PALM2AKAP2: variants seen among roughly 807,000 people sequenced by gnomAD.
PALM2AKAP2 encodes PALM2 and AKAP2 fusion.
PALM2AKAP2 carries 37 observed loss-of-function variants against 71.5 expected under a neutral mutation model. The observed-to-expected ratio is 0.52, with a 90% confidence interval of 0.40 to 0.68. The LOEUF is 0.68. Among genes scored for constraint, PALM2AKAP2 ranks in the 30% least tolerant of loss-of-function variants. The probability of loss-of-function intolerance (pLI) is 0.00; values close to 1 mark genes in which losing one functional copy is unlikely to be tolerated. For missense variants in PALM2AKAP2, 1,224 were observed against 1,191.8 expected, an observed-to-expected ratio of 1.03 and a Z score of -0.40; for synonymous variants, 468 against 478.8, an observed-to-expected ratio of 0.98 and a Z score of 0.29.
intron 1 of PALM2AKAP2, among the ~76,000 whole-genome samples, chr9:109,803,239 G>A (rs1827482487): frequency 6.6e-6 from 1 of 152,194 alleles, no homozygotes; most frequent in Non-Finnish European, 1.5e-5. Context: ...TTGTCACTGT[G>A]AATTATTGGT....
Position 109,908,125 on chromosome 9 carries a change from G to A in PALM2AKAP2, c.258-15610G>A, listed in dbSNP as rs563881009. 4.6e-5 allele frequency among the ~76,000 whole-genome samples: 7 copies of A among 152,278 alleles called. No individual in the cohort carries two copies. In the South Asian group the frequency reaches 1.5e-3, roughly 32 times the overall value. Reference sequence around the variant, plus strand: ...TGCAAATACTCTTCTAGGCACTGTGGATGCCATAGCAATACATGCTGTTTC... The same window carrying A: ...TGCAAATACTCTTCTAGGCACTGTGAATGCCATAGCAATACATGCTGTTTC... On this transcript the variant is annotated intron_variant, in intron 3 of 9. Transcript: ENST00000302798.
intron 1 of PALM2AKAP2, among the ~76,000 whole-genome samples, chr9:109,692,928 C>T (rs1827919462): frequency 6.6e-6 from 1 of 151,592 alleles, no homozygotes; most frequent in Non-Finnish European, 1.5e-5. Flanking sequence ...TCTCTTTTCT[C>T]TCCTTCCTTT....
chr9:110,026,462 T>C (rs551319948), intron 7 of PALM2AKAP2, among the ~76,000 whole-genome samples: 1 of 152,366 alleles, frequency 6.6e-6, no homozygotes, highest in East Asian at 1.9e-4. Flanking sequence ...CTATTTTTTA[T>C]TGTGGTAAAA....
chr9:110,104,761 C>T (rs1588111656), intron 1 of PALM2AKAP2, among the ~76,000 whole-genome samples: 3 of 152,208 alleles, frequency 2.0e-5, no homozygotes, highest in African/African-American at 7.2e-5. Flanking sequence ...AAGAATGTTT[C>T]AAACCTTGAA....
At position 109,869,480 on chromosome 9, in the gene PALM2AKAP2, C is replaced by T. The variant is rs1327254221; in HGVS notation, c.126+1909C>T. On this transcript the variant is annotated intron_variant, in intron 2 of 9. Transcript: ENST00000302798. ...AGTAGCTGGGACTACAAATGCCCGC[C>T]ACCACGCCCAGCTAATTTTTTTTTT... Among the ~76,000 whole-genome samples, 4 of 150,008 alleles carry T rather than the reference C, an allele frequency of 2.7e-5. No homozygotes were observed. In the East Asian group the frequency reaches 7.8e-4, roughly 29 times the overall value.
chr9:110,169,513 G>A (rs1455522777), exon 4 of PALM2AKAP2: 1 of 151,964 alleles, frequency 6.6e-6, no homozygotes, highest in Non-Finnish European at 1.5e-5. Context: ...CTTAGAGATA[G>A]GAAGAAGAAT....
At chr9:109,987,651 G>A (rs1399443684) in intron 6 of PALM2AKAP2, among the ~76,000 whole-genome samples, 1 of 152,094 alleles carries the variant, frequency 6.6e-6, no homozygotes, top group Non-Finnish European at 1.5e-5. Context: ...CAATATAATT[G>A]CCCATAACAA....
intron 6 of PALM2AKAP2, among the ~76,000 whole-genome samples, chr9:109,954,214 G>A (rs1312168016): frequency 1.3e-5 from 2 of 152,044 alleles, no homozygotes; most frequent in African/African-American, 4.8e-5. Context: ...AAGCAAAGGG[G>A]GTTTTGTTAT....
At chr9:109,876,909 C>T (rs1173416460) in intron 2 of PALM2AKAP2, among the ~76,000 whole-genome samples, 1 of 152,110 alleles carries the variant, frequency 6.6e-6, no homozygotes, top group Non-Finnish European at 1.5e-5. Flanking sequence ...TGACCAGAGT[C>T]ACCAGGCTGC....
chr9:110,031,554 G>GTTTAGGGTATTCTATTA (rs1389125488), intron 7 of PALM2AKAP2, among the ~76,000 whole-genome samples: 2 of 152,178 alleles, frequency 1.3e-5, no homozygotes. Context: ...TGCTCTGGGT[G>GTTTAGGGTATTCTATTA]TTTAGGGTAT....
chr9:109,700,165 G>C (rs768373615), intron 1 of PALM2AKAP2, among the ~76,000 whole-genome samples: 11 of 152,136 alleles, frequency 7.2e-5, no homozygotes, highest in Admixed American at 6.5e-5. Flanking sequence ...TGGTTTGGCT[G>C]TGTCCCCACC....
chr9:110,081,608 T>A (rs1291688569), intron 1 of PALM2AKAP2, among the ~76,000 whole-genome samples: 1 of 152,166 alleles, frequency 6.6e-6, no homozygotes, highest in Admixed American at 6.5e-5. Flanking sequence ...AAAAGAATTC[T>A]TAGAGGTGAG....
intron 2 of PALM2AKAP2, among the ~76,000 whole-genome samples, chr9:109,876,139 GT>G (rs950302253): frequency 7.9e-5 from 12 of 152,002 alleles, no homozygotes; most frequent in African/African-American, 1.9e-4. Flanking sequence ...ACAGAGAAAA[GT>G]TTTTTTTAAT....
intron 1 of PALM2AKAP2, among the ~76,000 whole-genome samples, chr9:110,107,901 GA>G (rs1835155367): frequency 6.6e-6 from 1 of 152,084 alleles, no homozygotes; most frequent in African/African-American, 2.4e-5. Flanking sequence ...AAGTTGATAT[GA>G]ACAATATTGT....
At chr9:110,057,366 GT>G (rs34347147) in intron 1 of PALM2AKAP2, among the ~76,000 whole-genome samples, 63,414 of 133,492 alleles carry the variant, frequency 0.48, 13,828 homozygotes, top group Admixed American at 0.53. Flanking sequence ...CTCCTTCTCT[GT>G]TTTTTTTTTT....
intron 6 of PALM2AKAP2, among the ~76,000 whole-genome samples, chr9:109,956,559 T>C (rs1174316131): frequency 6.6e-6 from 1 of 152,206 alleles, no homozygotes; most frequent in Non-Finnish European, 1.5e-5. Context: ...GAGTCAGCTT[T>C]TCTACTTTTC....
chr9:109,994,037 A>T (rs1192196841), intron 6 of PALM2AKAP2, among the ~76,000 whole-genome samples: 1 of 152,136 alleles, frequency 6.6e-6, no homozygotes, highest in Non-Finnish European at 1.5e-5. Context: ...GGGCTGGCAA[A>T]TACTGAACTC....
At chr9:109,990,067 CTTTTT>C (rs35739397) in intron 6 of PALM2AKAP2, among the ~76,000 whole-genome samples, 1 of 134,110 alleles carries the variant, frequency 7.5e-6, no homozygotes, top group Non-Finnish European at 1.6e-5. Flanking sequence ...TTCTTTCTTT[CTTTTT>C]TTTTTTTTTT....
At chr9:109,721,040 CTG>C (rs1409659496) in intron 1 of PALM2AKAP2, among the ~76,000 whole-genome samples, 1 of 152,200 alleles carries the variant, frequency 6.6e-6, no homozygotes, top group Non-Finnish European at 1.5e-5. Flanking sequence ...CTCAAGAATC[CTG>C]TGTCTTCCTA....
Sources: allele counts gnomAD v4.1 joint callset (sites outside exome capture counted in the v4.1 genomes callset), GRCh38; gene constraint gnomAD v4.1.1; transcripts MANE v1.5; gene names NCBI Gene and HGNC (gene_info 2026-07-23, HGNC 2026-07-21).